Variants in COL28A1 observed in about 807,000 individuals in gnomAD.
COL28A1 encodes collagen type XXVIII alpha 1 chain, also known as collagen alpha-1(XXVIII) chain.
COL28A1 carries 161 observed loss-of-function variants against 150.2 expected under a neutral mutation model. That is an observed-to-expected ratio of 1.07 (90% CI 0.94 to 1.22). COL28A1 has a LOEUF of 1.22. Ranked by LOEUF, COL28A1 falls within the 50% of genes most tolerant of loss-of-function variation. The pLI is 0.00. For missense variants in COL28A1, 1,617 were observed against 1,388.3 expected (o/e 1.16, Z -2.62); for synonymous variants, 552 against 469.7 (o/e 1.18, Z -2.26).
intron 13 of COL28A1, among the ~76,000 whole-genome samples, chr7:7,483,834 T>C (rs1332131409): frequency 1.3e-5 from 2 of 152,100 alleles, no homozygotes; most frequent in Non-Finnish European, 2.9e-5. Context: ...AGTAAAAAGA[T>C]AATAAATATA....
intron 13 of COL28A1, among the ~76,000 whole-genome samples, chr7:7,487,376 G>A (rs867834942): frequency 7.2e-5 from 11 of 151,984 alleles, no homozygotes; most frequent in Admixed American, 4.6e-4. Context: ...TCAGGAGTTC[G>A]AGACCAGCCT....
intron 23 of COL28A1, among the ~76,000 whole-genome samples, chr7:7,433,125 A>G (rs1291342694): frequency 6.6e-6 from 1 of 152,194 alleles, no homozygotes; most frequent in East Asian, 1.9e-4. Flanking sequence ...CCTAGGGAAA[A>G]GTTGTAAATA....
upstream of COL28A1, chr7:7,535,980 A>C (rs1332008110): frequency 6.6e-6 from 1 of 152,226 alleles, no homozygotes; most frequent in South Asian, 2.1e-4. Flanking sequence ...ATCAGTAAGC[A>C]ATTTAAAGGA....
At chr7:7,385,322 T>C (rs907148185) in intron 27 of COL28A1, among the ~76,000 whole-genome samples, 3 of 152,022 alleles carry the variant, frequency 2.0e-5, no homozygotes, top group Non-Finnish European at 4.4e-5. Context: ...GGGGGTACAG[T>C]TGGCCAGGGA....
In COL28A1 at chr7:7,474,593, T is replaced by C. The variant is rs201094751; in HGVS notation, c.1302+8A>G. Reference sequence around the variant, plus strand: ...ATTGTTTCCAGTGTACACCCTATTATACAGTACCTTCTCCCCTTTGATTGA... The same window carrying C: ...ATTGTTTCCAGTGTACACCCTATTACACAGTACCTTCTCCCCTTTGATTGA... On this transcript the variant is annotated splice_region_variant and intron_variant, in intron 15 of 34. Transcript: ENST00000399429. 9 of 1,091,470 alleles carry C rather than the reference T, an allele frequency of 8.2e-6. No individual in the cohort carries two copies. The African/African-American group carries it at 1.2e-4, about 15-fold the overall frequency. The allele number at this position is 1,091,470 out of a possible 1,614,324, so 67.6% of individuals were successfully genotyped here. A position where few individuals can be genotyped will look rare whatever the true frequency, so the allele number is the denominator to read the frequency against.
chr7:7,519,170 G>C (rs552788203), intron 6 of COL28A1, among the ~76,000 whole-genome samples: 1 of 152,290 alleles, frequency 6.6e-6, no homozygotes, highest in East Asian at 1.9e-4. Context: ...ATGGAGGAAG[G>C]TGAAGCAGGA....
intron 15 of COL28A1, among the ~76,000 whole-genome samples, chr7:7,458,238 G>A (rs1002242972): frequency 2.6e-5 from 4 of 152,110 alleles, no homozygotes; most frequent in African/African-American, 9.7e-5. Context: ...CCAACATGGA[G>A]AAACCCCATT....
chr7:7,378,240 C>T (rs73040636), intron 30 of COL28A1, among the ~76,000 whole-genome samples: 13,608 of 152,138 alleles, frequency 0.089, 1,114 homozygotes, highest in African/African-American at 0.21. Flanking sequence ...TTTTTGAAAC[C>T]GGTGTGTTTC....
chr7:7,383,095 TA>T (rs1781956188), intron 27 of COL28A1, among the ~76,000 whole-genome samples: 1 of 152,108 alleles, frequency 6.6e-6, no homozygotes, highest in South Asian at 2.1e-4. Context: ...TCTACCACGT[TA>T]AAAAATAAAA....
rs1357189326 is a variant in COL28A1 at position 7,373,774 on chromosome 7, C to T, written c.2360-228G>A. Among the ~76,000 whole-genome samples the T allele has an allele frequency of 2.6e-5, 4 of 151,392 alleles. No homozygotes were observed. In the South Asian group the frequency reaches 8.3e-4, roughly 32 times the overall value. ...AGTGCAGTGGCGCGATCTCGGCTCA[C>T]TGCAGGCTCCGTCCCCTGGGATTCA... is the stretch of plus-strand genomic sequence containing the variant. On this transcript the variant is annotated intron_variant, in intron 31 of 34. Coordinates refer to ENST00000399429, the MANE Select transcript of COL28A1 (RefSeq NM_001037763.3). This position sits in a 1 kb window ranked among gnomAD's most constrained non-coding sequence, Gnocchi z 4.1.
intron 27 of COL28A1, among the ~76,000 whole-genome samples, chr7:7,417,279 G>A (rs1045981835): frequency 6.6e-6 from 1 of 151,598 alleles, no homozygotes; most frequent in Non-Finnish European, 1.5e-5. Flanking sequence ...ACAGACTCAG[G>A]GCCTAGAATA....
At chr7:7,413,591 C>T (rs1783905774) in intron 27 of COL28A1, among the ~76,000 whole-genome samples, 1 of 152,190 alleles carries the variant, frequency 6.6e-6, no homozygotes, top group Non-Finnish European at 1.5e-5. Flanking sequence ...TCTACATACT[C>T]CCTTTTTGCC....
chr7:7,477,771 G>C (rs1329296897), intron 13 of COL28A1, among the ~76,000 whole-genome samples: 1 of 152,168 alleles, frequency 6.6e-6, no homozygotes, highest in African/African-American at 2.4e-5. Flanking sequence ...CCACGGTATG[G>C]AAACGGACCC....
intron 15 of COL28A1, among the ~76,000 whole-genome samples, chr7:7,464,425 T>A (rs993678792): frequency 6.6e-6 from 1 of 152,128 alleles, no homozygotes; most frequent in Admixed American, 6.5e-5. Context: ...AAAACAAGCC[T>A]CAATAAGTTC....
At chr7:7,426,405 A>T (rs1036716776) in intron 25 of COL28A1, among the ~76,000 whole-genome samples, 1 of 152,206 alleles carries the variant, frequency 6.6e-6, no homozygotes, top group African/African-American at 2.4e-5. Context: ...CAGAATGTCA[A>T]TGGAAGTTTT....
intron 11 of COL28A1, among the ~76,000 whole-genome samples, chr7:7,493,016 G>A (rs913241646): frequency 2.8e-5 from 4 of 143,860 alleles, no homozygotes; most frequent in Admixed American, 7.0e-5. Flanking sequence ...ATATATAACA[G>A]GTATATATAA....
At chr7:7,483,045 C>G (rs57090364) in intron 13 of COL28A1, among the ~76,000 whole-genome samples, 16,290 of 152,132 alleles carry the variant, frequency 0.11, 1,012 homozygotes, top group Middle Eastern at 0.22. Context: ...CAAACTTAGA[C>G]AGACAGTCTC....
chr7:7,439,169 T>C (rs1210033148), intron 21 of COL28A1, among the ~76,000 whole-genome samples: 1 of 152,198 alleles, frequency 6.6e-6, no homozygotes, highest in Non-Finnish European at 1.5e-5. Flanking sequence ...GATTCACCAG[T>C]GATGACTCCT....
At chr7:7,503,496 G>A (rs1443538564) in intron 11 of COL28A1, among the ~76,000 whole-genome samples, 1 of 152,124 alleles carries the variant, frequency 6.6e-6, no homozygotes, top group Non-Finnish European at 1.5e-5. Flanking sequence ...TGCAAAAGCA[G>A]CTTCTTTTAA....
Sources: allele counts gnomAD v4.1 joint callset (sites outside exome capture counted in the v4.1 genomes callset), GRCh38; gene constraint gnomAD v4.1.1; non-coding constraint Gnocchi (gnomAD v3.1); transcripts MANE v1.5; gene names NCBI Gene and HGNC (gene_info 2026-07-23, HGNC 2026-07-21).